DLG2: variants seen among roughly 807,000 people sequenced by gnomAD.
DLG2 encodes the protein discs large MAGUK scaffold protein 2.
DLG2 carries 45 observed loss-of-function variants against 132.5 expected under a neutral mutation model. The ratio of observed to expected loss-of-function variants is 0.34; its 90% CI spans 0.27 to 0.44. DLG2 has a LOEUF of 0.44. DLG2 is among the 20% of genes least tolerant of loss of function. The pLI is 1.00. For missense variants in DLG2, 1,045 were observed against 1,196.9 expected (o/e 0.87, Z 1.87); for synonymous variants, 424 against 419.6 (o/e 1.01, Z -0.13).
At chr11:84,326,866 T>A (rs556205904) in intron 7 of DLG2, among the ~76,000 whole-genome samples, 1 of 152,282 alleles carries the variant, frequency 6.6e-6, no homozygotes, top group East Asian at 1.9e-4. Context: ...TTTAATTCTA[T>A]CAATGTCTGT....
At position 83,682,564 on chromosome 11, in the gene DLG2, G is replaced by A. The variant is rs115392373; in HGVS notation, c.1826-49239C>T. 1,615 of 547,448 alleles carry A rather than the reference G, an allele frequency of 3.0e-3. 32 individuals are homozygous for A. The African/African-American group carries it at 0.031, about 11-fold the overall frequency. The allele number at this position is 547,448 out of a possible 1,614,324, so 33.9% of individuals were successfully genotyped here. ...CACCTTGTTAAGGTGGATCCACCCA[G>A]CTCAGTGAGGAGTAGGCAAAGACAA... On this transcript the variant is annotated intron_variant, in intron 18 of 27. Transcript: ENST00000376104.
intron 21 of DLG2, among the ~76,000 whole-genome samples, chr11:83,515,711 C>G (rs1163710084): frequency 1.3e-5 from 2 of 152,178 alleles, no homozygotes; most frequent in Non-Finnish European, 2.9e-5. Flanking sequence ...CCCAGAGATT[C>G]TGGTATGTTG....
chr11:83,648,750 G>A (rs2069062888), intron 18 of DLG2, among the ~76,000 whole-genome samples: 1 of 152,144 alleles, frequency 6.6e-6, no homozygotes. Context: ...CTTACAAAAT[G>A]AAGCTGCTTC....
chr11:84,028,132 G>A (rs997763245), intron 11 of DLG2, among the ~76,000 whole-genome samples: 1 of 151,374 alleles, frequency 6.6e-6, no homozygotes, highest in East Asian at 1.9e-4. Flanking sequence ...GTAAAACTAT[G>A]CTTTTACAAT....
At chr11:84,327,307 T>A (rs940139815) in intron 7 of DLG2, among the ~76,000 whole-genome samples, 4 of 152,014 alleles carry the variant, frequency 2.6e-5, no homozygotes, top group Admixed American at 2.6e-4. Flanking sequence ...GGTCTCGAAC[T>A]CCTGACTTCA....
At chr11:83,635,576 T>C (rs1032226505) in intron 18 of DLG2, among the ~76,000 whole-genome samples, 2 of 152,182 alleles carry the variant, frequency 1.3e-5, no homozygotes, top group South Asian at 4.1e-4. Flanking sequence ...GTGCCGGATA[T>C]GTATGTGTGT....
chr11:84,021,264 T>C (rs1423235581), intron 11 of DLG2, among the ~76,000 whole-genome samples: 1 of 152,044 alleles, frequency 6.6e-6, no homozygotes, highest in Non-Finnish European at 1.5e-5. Flanking sequence ...TCTATGTTAA[T>C]GGACATGTAC....
At chr11:84,740,624 C>A (rs1344671503) in intron 6 of DLG2, among the ~76,000 whole-genome samples, 1 of 152,142 alleles carries the variant, frequency 6.6e-6, no homozygotes, top group Non-Finnish European at 1.5e-5. Flanking sequence ...ATCTTCATTC[C>A]ACCAATCCCA....
chr11:84,714,587 C>CTT (rs758063335), intron 6 of DLG2, among the ~76,000 whole-genome samples: 2 of 132,058 alleles, frequency 1.5e-5, no homozygotes, highest in African/African-American at 6.7e-5. Flanking sequence ...TTCTCTTTCT[C>CTT]TTTCTCTTTC....
At chr11:85,481,296 C>T (rs2093283111) in intron 3 of DLG2, among the ~76,000 whole-genome samples, 1 of 152,164 alleles carries the variant, frequency 6.6e-6, no homozygotes, top group African/African-American at 2.4e-5. Context: ...AGCAAGATGG[C>T]AGAATAGGGC....
intron 5 of DLG2, among the ~76,000 whole-genome samples, chr11:85,153,826 G>A (rs1017620699): frequency 1.3e-5 from 2 of 152,094 alleles, no homozygotes; most frequent in African/African-American, 2.4e-5. Flanking sequence ...TGTTCATATT[G>A]AGGATCACAT....
chr11:85,031,533 C>T (rs1321218022), intron 6 of DLG2, among the ~76,000 whole-genome samples: 1 of 151,958 alleles, frequency 6.6e-6, no homozygotes, highest in Non-Finnish European at 1.5e-5. Flanking sequence ...TTAAATATTA[C>T]TTTCCTTCTT....
intron 11 of DLG2, among the ~76,000 whole-genome samples, chr11:84,033,653 C>T (rs757851337): frequency 6.6e-5 from 10 of 152,154 alleles, no homozygotes; most frequent in Non-Finnish European, 1.2e-4. Context: ...GTGGGTAAAA[C>T]GCTACCAAAC....
rs559374599 is a variant in DLG2 at position 85,591,233 on chromosome 11, T to G, written c.40+7424A>C. Among the ~76,000 whole-genome samples the G allele has an allele frequency of 3.3e-5, 5 of 152,312 alleles. No individual in the cohort carries two copies. In the East Asian group the frequency reaches 9.6e-4, roughly 29 times the overall value. ...AACAAAGGGAATTATAACAATTGTTTGAGCCACATTTTATGCTCACCACTC... is the reference window on the plus strand; with the variant it reads ...AACAAAGGGAATTATAACAATTGTTGGAGCCACATTTTATGCTCACCACTC... On this transcript the variant is annotated intron_variant, in intron 3 of 27. Transcript: ENST00000376104.
chr11:83,969,769 C>T (rs112265493), intron 12 of DLG2, among the ~76,000 whole-genome samples: 5,495 of 152,184 alleles, frequency 0.036, 123 homozygotes, highest in Non-Finnish European at 0.055. Flanking sequence ...CACAGGGTTT[C>T]ACCATGTTGG....
intron 11 of DLG2, among the ~76,000 whole-genome samples, chr11:83,989,717 G>C (rs746602319): frequency 1.3e-5 from 2 of 152,100 alleles, no homozygotes; most frequent in Non-Finnish European, 2.9e-5. Context: ...CCACTTTACT[G>C]ATCCAAAAAT....
chr11:84,531,155 T>A (rs1029332035), intron 7 of DLG2, among the ~76,000 whole-genome samples: 4 of 152,080 alleles, frequency 2.6e-5, no homozygotes, highest in Non-Finnish European at 4.4e-5. Context: ...GGATAAAGAA[T>A]GAGATCATAT....
At chr11:84,366,409 C>T (rs998816426) in intron 7 of DLG2, among the ~76,000 whole-genome samples, 26 of 151,418 alleles carry the variant, frequency 1.7e-4, no homozygotes, top group South Asian at 4.2e-4. Context: ...CATCAACTAA[C>T]GAGCAAAATC....
chr11:83,868,960 A>G (rs2062914916), intron 16 of DLG2, among the ~76,000 whole-genome samples: 3 of 152,198 alleles, frequency 2.0e-5, no homozygotes, highest in Non-Finnish European at 2.9e-5. Flanking sequence ...CCTAAAGTCC[A>G]ACGGTCCCTT....
Sources: gnomAD v4.1 joint callset for allele counts (sites outside exome capture counted in the v4.1 genomes callset) on GRCh38, gnomAD v4.1.1 for gene constraint, MANE v1.5 for transcripts, NCBI Gene and HGNC (gene_info 2026-07-23, HGNC 2026-07-21) for gene names.